The following GAB2 variants were observed in gnomAD, a reference collection of about 807,000 sequenced individuals.
The protein encoded by GAB2 is GRB2-associated-binding protein 2.
A neutral mutation model predicts 65.5 loss-of-function variants in GAB2; 26 were observed. The observed-to-expected ratio is 0.40, with a 90% confidence interval of 0.29 to 0.55. The LOEUF is 0.55. Ranked by LOEUF, GAB2 falls within the 20% of genes least tolerant of loss-of-function variation. The probability of loss-of-function intolerance (pLI) is 0.53; values close to 1 mark genes in which losing one functional copy is unlikely to be tolerated. For missense variants in GAB2, 884 were observed against 875.8 expected (o/e 1.01, Z -0.12); for synonymous variants, 321 against 329.6 (o/e 0.97, Z 0.28).
chr11:78,364,904 T>C (rs941178612), intron 1 of GAB2, among the ~76,000 whole-genome samples: 4 of 152,166 alleles, frequency 2.6e-5, no homozygotes, highest in Admixed American at 1.3e-4. Context: ...TTTAAAAATA[T>C]ATATATATAC....
At chr11:78,398,788 T>C (rs1037809783) in intron 1 of GAB2, among the ~76,000 whole-genome samples, 1 of 152,186 alleles carries the variant, frequency 6.6e-6, no homozygotes, top group African/African-American at 2.4e-5. Flanking sequence ...TCTGAGGAAA[T>C]GGCTAGCTAA....
intron 2 of GAB2, among the ~76,000 whole-genome samples, chr11:78,275,490 A>G (rs2134574702): frequency 6.6e-6 from 1 of 152,294 alleles, no homozygotes; most frequent in East Asian, 1.9e-4. Flanking sequence ...TGAAGGTTTT[A>G]CAGATATAAT....
intron 1 of GAB2, among the ~76,000 whole-genome samples, chr11:78,371,447 G>A (rs1856570308): frequency 6.6e-6 from 1 of 152,156 alleles, no homozygotes; most frequent in South Asian, 2.1e-4. Context: ...GTTAGGCTCT[G>A]GCAGACATAG....
intron 1 of GAB2, among the ~76,000 whole-genome samples, chr11:78,325,150 T>G (rs1855800443): frequency 6.6e-6 from 1 of 152,208 alleles, no homozygotes. Context: ...GTTTGTCAAG[T>G]CCCATCCAAG....
rs116388908 is a variant in GAB2 at position 78,393,276 on chromosome 11, T to C, written c.75+24370A>G. ...TCTTTTCCCTCCCTACTGCTGGAGA[T>C]TCCCCCGCTCTAGTTATTCCAAGTT... On this transcript the variant is annotated intron_variant, in intron 1 of 9. Transcript: ENST00000361507. Among the ~76,000 whole-genome samples, 1,410 of 152,304 alleles carry C rather than the reference T, an allele frequency of 9.3e-3. 25 individuals carry two copies. Among genetic ancestry groups the C allele is most frequent in the African/African-American group, 0.032 (1,339 of 41,562 alleles).
intron 2 of GAB2, among the ~76,000 whole-genome samples, chr11:78,265,203 C>CACATATAT (rs1554980506): frequency 6.9e-6 from 1 of 144,842 alleles, no homozygotes; most frequent in Non-Finnish European, 1.5e-5. Context: ...TTCTATACCA[C>CACATATAT]ATATATATAT....
intron 1 of GAB2, among the ~76,000 whole-genome samples, chr11:78,355,656 AACAGAGAGAG>A (rs112970993): frequency 0.036 from 5,309 of 148,180 alleles, 316 homozygotes; most frequent in African/African-American, 0.13. Context: ...CAGCCTGGGA[AACAGAGAGAG>A]ACCCTGTCTC....
chr11:78,308,341 T>C (rs1442304219), intron 1 of GAB2, among the ~76,000 whole-genome samples: 1 of 152,138 alleles, frequency 6.6e-6, no homozygotes, highest in Non-Finnish European at 1.5e-5. Context: ...CACTCCAGGC[T>C]GGGTGACAGA....
Position 78,314,294 on chromosome 11 carries a change from TAGAC to T in GAB2, c.76-33397_76-33394del, listed in dbSNP as rs149325650. ...TATAACAGTGACAAAAAACACCATA[TAGAC>T]AGACAGACAATAGCAGCTTGCACTG... On this transcript the variant is annotated intron_variant, in intron 1 of 9. Coordinates refer to ENST00000361507, the MANE Select transcript of GAB2 (RefSeq NM_080491.3). Among the ~76,000 whole-genome samples, 952 of 152,336 alleles carry T rather than the reference TAGAC, an allele frequency of 6.2e-3. 5 individuals are homozygous for T. Among genetic ancestry groups the T allele is most frequent in the African/African-American group, 0.021 (875 of 41,584 alleles).
In GAB2 at chr11:78,366,568, A is replaced by G. The variant is rs530602989; in HGVS notation, c.75+51078T>C. Among the ~76,000 whole-genome samples the G allele has an allele frequency of 4.3e-5, 5 of 117,238 alleles. No individual in the cohort carries two copies. The South Asian group carries it at 1.0e-3, about 24-fold the overall frequency. 76.9% of individuals were successfully genotyped at this position (117,238 alleles called of 152,430 possible). On this transcript the variant is annotated intron_variant, in intron 1 of 9. Transcript: ENST00000361507. Reference sequence around the variant, plus strand: ...ACCACTGTATTCCAGGCTGGGCGACAGAGCAAGACTCCATCTCAAAAAAAA... The same window carrying G: ...ACCACTGTATTCCAGGCTGGGCGACGGAGCAAGACTCCATCTCAAAAAAAA...
intron 1 of GAB2, among the ~76,000 whole-genome samples, chr11:78,307,332 T>C (rs888898513): frequency 1.3e-5 from 2 of 152,030 alleles, no homozygotes; most frequent in African/African-American, 4.8e-5. Flanking sequence ...AAAAAAAAAT[T>C]TAAGGTAAGC....
intron 1 of GAB2, among the ~76,000 whole-genome samples, chr11:78,291,691 C>A (rs1405804425): frequency 1.3e-5 from 2 of 149,416 alleles, no homozygotes; most frequent in Admixed American, 1.3e-4. Flanking sequence ...CCTACCTCAG[C>A]CTCCCATTTA....
chr11:78,396,807 G>C (rs1794728749), intron 1 of GAB2, among the ~76,000 whole-genome samples: 1 of 152,144 alleles, frequency 6.6e-6, no homozygotes, highest in African/African-American at 2.4e-5. Context: ...GTGTTGGTCA[G>C]GCTGCTCTCC....
chr11:78,363,788 G>A (rs1180044856), intron 1 of GAB2, among the ~76,000 whole-genome samples: 3 of 151,862 alleles, frequency 2.0e-5, no homozygotes, highest in African/African-American at 4.8e-5. Context: ...GTTTTGCCAC[G>A]TTGCCTAGAC....
At chr11:78,285,900 T>TTA (rs1285267582) in intron 1 of GAB2, among the ~76,000 whole-genome samples, 1 of 152,224 alleles carries the variant, frequency 6.6e-6, no homozygotes, top group Non-Finnish European at 1.5e-5. Context: ...ATAATGCTTT[T>TTA]TATGTTCTTT....
chr11:78,277,473 C>T (rs956023399), intron 2 of GAB2, among the ~76,000 whole-genome samples: 11 of 152,156 alleles, frequency 7.2e-5, no homozygotes, highest in African/African-American at 1.4e-4. Flanking sequence ...GTCTCCCAAT[C>T]GATAGAAAAC....
chr11:78,234,239 T>C (rs963975594), intron 3 of GAB2, among the ~76,000 whole-genome samples: 6 of 152,146 alleles, frequency 3.9e-5, no homozygotes, highest in African/African-American at 1.4e-4. Flanking sequence ...CATGTGACCG[T>C]GCCTGGCTAC....
At chr11:78,300,695 G>GTTTTTTTTTTTTT (rs769243672) in intron 1 of GAB2, among the ~76,000 whole-genome samples, 123 of 113,228 alleles carry the variant, frequency 1.1e-3, no homozygotes, top group East Asian at 2.9e-3. Context: ...GTTTTTTTTT[G>GTTTTTTTTTTTTT]TTTTTTTTTT....
intron 1 of GAB2, among the ~76,000 whole-genome samples, chr11:78,300,443 G>A (rs975782208): frequency 6.6e-6 from 1 of 150,960 alleles, no homozygotes; most frequent in African/African-American, 2.4e-5. Flanking sequence ...GTGAGCATAG[G>A]TTTTCATTTC....
Sources: gnomAD v4.1 joint callset for allele counts (sites outside exome capture counted in the v4.1 genomes callset) on GRCh38, gnomAD v4.1.1 for gene constraint, MANE v1.5 for transcripts, NCBI Gene and HGNC (gene_info 2026-07-23, HGNC 2026-07-21) for gene names.